The following ACAD10 variants were observed in gnomAD, a reference collection of about 807,000 sequenced individuals.
ACAD10 encodes the protein acyl-CoA dehydrogenase family member 10.
In ACAD10, 112 loss-of-function variants were observed where a neutral mutation model predicts 116.8. The ratio of observed to expected loss-of-function variants is 0.96; its 90% confidence interval spans 0.82 to 1.12. ACAD10 has a LOEUF of 1.12. Ranked by LOEUF, ACAD10 falls within the 50% of genes most tolerant of loss-of-function variation. The pLI is 0.00. For missense variants in ACAD10, 1,259 were observed against 1,350.2 expected (o/e 0.93, Z 1.06); for synonymous variants, 486 against 510.6 (o/e 0.95, Z 0.65).
chr12:111,755,614 T>C, intron 19 of ACAD10, 54 bp from the exon 20 acceptor site: 2 of 1,418,234 alleles, frequency 1.4e-6, no homozygotes, highest in Non-Finnish European at 2.0e-6. Flanking sequence ...GGCCTCACTC[T>C]GCCACCCAGG....
chr12:111,722,446 C>G (rs1889042085), intron 8 of ACAD10, among the ~76,000 whole-genome samples: 1 of 151,864 alleles, frequency 6.6e-6, no homozygotes, highest in South Asian at 2.1e-4. Flanking sequence ...GGGGATTTGG[C>G]TGGGTCATAG....
chr12:111,721,709 C>T lies in ACAD10; in HGVS notation c.1031C>T (p.Pro344Leu). The T allele has an allele frequency of 1.2e-6, 2 of 1,603,892 alleles. No homozygotes were observed. Among genetic ancestry groups the T allele is most frequent in the Non-Finnish European group, 8.5e-7 (1 of 1,172,258 alleles). Residue 344 changes from proline (P) to leucine (L), a missense_variant, in exon 8 of 21, where the codon CCT becomes CTT. By Grantham distance (98) the Pro-to-Leu change is moderately conservative (BLOSUM62 -3). Coordinates refer to ENST00000313698, the MANE Select transcript of ACAD10 (RefSeq NM_025247.6). ...CTTGCAAATGCTGGAGTACCTGTCC[C>T]TAACGTTCTTGATCTCTGTGAAGAT... ...KALANAGVPV[P>L]NVLDLCEDSS...
At chr12:111,688,842 G>T (rs1364201056) in intron 1 of ACAD10, among the ~76,000 whole-genome samples, 1 of 151,736 alleles carries the variant, frequency 6.6e-6, no homozygotes, top group East Asian at 1.9e-4. Context: ...AGTGCAGCTC[G>T]CTGCCAGCAC....
chr12:111,744,381 T>C (rs1045316717), intron 12 of ACAD10, among the ~76,000 whole-genome samples: 2 of 152,228 alleles, frequency 1.3e-5, no homozygotes, highest in Non-Finnish European at 2.9e-5. Flanking sequence ...AGTTGGACTC[T>C]GGCCCCCAGC....
rs1566155755 is a variant in ACAD10, at chr12:111,724,796, GGGGAGACCGTGGAAAGAGAGGGAGA to G, written c.1062-3078_1062-3054del. On this transcript the variant is annotated intron_variant, in intron 8 of 20. Transcript: ENST00000313698. ...GAGGGAGACCGTGGAAAGAGAGGGA[GGGGAGACCGTGGAAAGAGAGGGAGA>G]GGGAGACCGTGGAAAGAGAGGGAGA... 4.3e-4 allele frequency among the ~76,000 whole-genome samples: 63 copies of G among 147,934 alleles called. 6 individuals carry two copies. Among genetic ancestry groups the G allele is most frequent in the African/African-American group, 1.3e-3 (51 of 39,204 alleles).
intron 7 of ACAD10, among the ~76,000 whole-genome samples, chr12:111,718,137 T>A (rs1336677410): frequency 7.3e-6 from 1 of 136,690 alleles, no homozygotes; most frequent in Non-Finnish European, 1.6e-5. Context: ...GCCACCTCCA[T>A]CTCCCAGGTC....
At chr12:111,724,439 G>T (rs1354037965) in intron 8 of ACAD10, among the ~76,000 whole-genome samples, 1 of 152,200 alleles carries the variant, frequency 6.6e-6, no homozygotes, top group Non-Finnish European at 1.5e-5. Flanking sequence ...AGCACTTTGG[G>T]AGGCCAAGGC....
intron 3 of ACAD10, among the ~76,000 whole-genome samples, chr12:111,704,804 C>T (rs1888453043): frequency 1.3e-5 from 2 of 150,940 alleles, no homozygotes. Flanking sequence ...TCTCCTGCCT[C>T]AGCCTCCCCA....
At chr12:111,710,546 A>C (rs1441897404) in intron 5 of ACAD10, among the ~76,000 whole-genome samples, 1 of 151,392 alleles carries the variant, frequency 6.6e-6, no homozygotes, top group Non-Finnish European at 1.5e-5. Flanking sequence ...CCAGGCTGGA[A>C]TACAGTGGCA....
At chr12:111,746,003 G>A in intron 13 of ACAD10, 141 bp from the exon 14 acceptor site, 1 of 1,032,788 alleles carries the variant, frequency 9.7e-7, no homozygotes, top group Non-Finnish European at 1.4e-6. Flanking sequence ...ACCATGCCCA[G>A]CTCCTCATAT....
chr12:111,709,527 T>G lies in ACAD10; in HGVS notation c.533T>G (p.Ile178Ser). The G allele has an allele frequency of 1.3e-6, 2 of 1,571,792 alleles. No homozygotes were observed. Among genetic ancestry groups the G allele is most frequent in the Non-Finnish European group, 1.7e-6 (2 of 1,161,888 alleles). The change falls in exon 5 of 21, where the codon ATT becomes AGT. Residue 178 changes from isoleucine to serine, a missense_variant and splice_region_variant. Coordinates refer to ENST00000313698, the MANE Select transcript of ACAD10 (RefSeq NM_025247.6). ...LPLDRKQFDV[I>S]VESCMEGICK... ...CTCTCATTCCTGTCCCTCCATCAGA[T>G]TGTGGAGTCCTGCATGGAAGGGATC...
intron 2 of ACAD10, among the ~76,000 whole-genome samples, chr12:111,701,804 TCTTC>T (rs1212464315): frequency 1.3e-5 from 2 of 152,210 alleles, no homozygotes; most frequent in African/African-American, 2.4e-5. Flanking sequence ...GGATCTGGCT[TCTTC>T]CTTCATGTGC....
chr12:111,740,585 C>A (rs767715580), intron 12 of ACAD10, among the ~76,000 whole-genome samples: 66 of 151,344 alleles, frequency 4.4e-4, no homozygotes, highest in Non-Finnish European at 7.4e-4. Context: ...TGATGAAACC[C>A]CGTCTCTACT....
At chr12:111,730,987 C>T (rs1166030110) in intron 10 of ACAD10, among the ~76,000 whole-genome samples, 1 of 152,170 alleles carries the variant, frequency 6.6e-6, no homozygotes, top group African/African-American at 2.4e-5. Flanking sequence ...GATGGGGTTT[C>T]ATCATATTGA....
In ACAD10 at chr12:111,734,075, ACTG is replaced by A; in HGVS notation, c.1540+14_1540+16del. 1 of 1,614,136 alleles carries A rather than the reference ACTG, an allele frequency of 6.2e-7. No homozygotes were observed. The highest frequency in any genetic ancestry group is 2.2e-5 in the East Asian group (1 of 44,886). Reference sequence around the variant, plus strand: ...AGTTTTCCCGTGCTGAGAGGTAGGAACTGCTGCTGGAGGATAGTGGGGGAGCAA... The same window carrying A: ...AGTTTTCCCGTGCTGAGAGGTAGGAACTGCTGGAGGATAGTGGGGGAGCAA... On this transcript the variant is annotated splice_region_variant and intron_variant, in intron 11 of 20. Coordinates refer to ENST00000313698, the MANE Select transcript of ACAD10 (RefSeq NM_025247.6).
intron 10 of ACAD10, among the ~76,000 whole-genome samples, chr12:111,732,418 A>G (rs1175796371): frequency 1.3e-5 from 2 of 152,244 alleles, no homozygotes; most frequent in African/African-American, 4.8e-5. Flanking sequence ...TATGTGGTAT[A>G]TAGGTACAGG....
At chr12:111,748,671 A>G (rs562332968) in intron 17 of ACAD10, 196 bp downstream of exon 17, 69 of 682,496 alleles carry the variant, frequency 1.0e-4, no homozygotes, top group Non-Finnish European at 1.5e-4. Context: ...ACAGGCATTT[A>G]TGGATTTTTT....
At chr12:111,746,321 AT>A in intron 14 of ACAD10, 37 bp downstream of exon 14, 1 of 1,588,304 alleles carries the variant, frequency 6.3e-7, no homozygotes, top group Admixed American at 1.9e-5. Context: ...GTGTGGGAAC[AT>A]CCTGATCTTC....
At chr12:111,756,005 C>G in intron 20 of ACAD10, 1 of 780,242 alleles carries the variant, frequency 1.3e-6, no homozygotes, top group Non-Finnish European at 2.0e-6. Context: ...AAGTAGCTGA[C>G]CTCAAATTCA....
Sources: gnomAD v4.1 joint callset for allele counts (sites outside exome capture counted in the v4.1 genomes callset) on GRCh38, gnomAD v4.1.1 for gene constraint, MANE v1.5 for transcripts, NCBI Gene and HGNC (gene_info 2026-07-23, HGNC 2026-07-21) for gene names.